The following ENAH variants were observed in gnomAD, a reference collection of about 807,000 sequenced individuals.
ENAH encodes the protein protein enabled homolog.
Under a neutral mutation model 78.7 loss-of-function variants are expected in ENAH, and 23 were observed. The observed-to-expected ratio is 0.29, with a 90% CI of 0.21 to 0.41. The LOEUF (loss-of-function observed/expected upper bound fraction) is 0.41. Among genes scored for constraint, ENAH ranks in the 10% least tolerant of loss-of-function variants. The probability of loss-of-function intolerance (pLI) is 1.00; values close to 1 mark genes in which losing one functional copy is unlikely to be tolerated. For missense variants in ENAH, 544 were observed against 691.0 expected (o/e 0.79, Z 2.39); for synonymous variants, 226 against 241.0 (o/e 0.94, Z 0.58).
intron 11 of ENAH, among the ~76,000 whole-genome samples, chr1:225,504,319 T>C (rs1386014208): frequency 6.6e-6 from 1 of 152,132 alleles, no homozygotes; most frequent in African/African-American, 2.4e-5. Flanking sequence ...TCAGTTTTTA[T>C]TTTTTTATGA....
Position 225,493,363 on chromosome 1 carries a change from T to C in ENAH, c.*4412A>G, listed in dbSNP as rs1363158476. On this transcript the variant is annotated 3_prime_UTR_variant, in exon 14 of 14. Transcript: ENST00000366843. Reference sequence around the variant, plus strand: ...AACTCTTCTTTAAGTAATTGTCCTCTACTATGTCTTTACATAGCCAAAGCT... The same window carrying C: ...AACTCTTCTTTAAGTAATTGTCCTCCACTATGTCTTTACATAGCCAAAGCT... The C allele has an allele frequency of 6.6e-6, 1 of 152,224 alleles. No individual in the cohort carries two copies. Among genetic ancestry groups the C allele is most frequent in the Admixed American group, 6.5e-5 (1 of 15,278 alleles). 9.4% of individuals were successfully genotyped at this position (152,224 alleles called of 1,614,324 possible).
Position 225,488,229 on chromosome 1 carries a change from G to C in ENAH, c.*9546C>G, listed in dbSNP as rs1208502379. The C allele has an allele frequency of 6.6e-6, 1 of 151,918 alleles. No individual in the cohort carries two copies. Among genetic ancestry groups the C allele is most frequent in the Admixed American group, 6.6e-5 (1 of 15,240 alleles). The allele number at this position is 151,918 out of a possible 1,614,324, so 9.4% of individuals were successfully genotyped here. ...GAGACAGGCCTCGCTATGTTGCCCA[G>C]GCTGGCCTCCAACTTTGGGCTCAAG... On this transcript the variant is annotated 3_prime_UTR_variant, in exon 14 of 14. Transcript: ENST00000366843.
chr1:225,571,424 G>A (rs1282138273), intron 1 of ENAH, among the ~76,000 whole-genome samples: 2 of 151,948 alleles, frequency 1.3e-5, no homozygotes, highest in Non-Finnish European at 2.9e-5. Flanking sequence ...GCACTTGGGG[G>A]CCAGAGTCCC....
chr1:225,524,654 T>C (rs1223584940), intron 4 of ENAH: 3 of 985,030 alleles, frequency 3.0e-6, no homozygotes, highest in Non-Finnish European at 3.6e-6. Flanking sequence ...ATAGGAGGGC[T>C]ATACACTCTC....
intron 1 of ENAH, among the ~76,000 whole-genome samples, chr1:225,641,747 G>A (rs183461983): frequency 1.9e-4 from 29 of 151,564 alleles, no homozygotes; most frequent in Non-Finnish European, 3.5e-4. Context: ...AAAGCTGGAC[G>A]CCGTGGCTCA....
At chr1:225,585,864 G>A (rs1275031993) in intron 1 of ENAH, among the ~76,000 whole-genome samples, 1 of 152,142 alleles carries the variant, frequency 6.6e-6, no homozygotes, top group Non-Finnish European at 1.5e-5. Context: ...ATTTATAGTT[G>A]TGAATGCATA....
At chr1:225,564,327 T>C (rs1375535219) in intron 2 of ENAH, among the ~76,000 whole-genome samples, 1 of 152,102 alleles carries the variant, frequency 6.6e-6, no homozygotes, top group Non-Finnish European at 1.5e-5. Context: ...TTCGCTCTTG[T>C]TGCCCAGGCT....
At chr1:225,598,062 A>G (rs1011888903) in intron 1 of ENAH, among the ~76,000 whole-genome samples, 2 of 152,134 alleles carry the variant, frequency 1.3e-5, no homozygotes, top group Non-Finnish European at 2.9e-5. Flanking sequence ...GACAGTTAAC[A>G]TAAAGAACTG....
At position 225,494,623 on chromosome 1, in the gene ENAH, A is replaced by G. The variant is rs577473791; in HGVS notation, c.*3152T>C. On this transcript the variant is annotated 3_prime_UTR_variant, in exon 14 of 14. Transcript: ENST00000366843. ...ATTTCAAACAAAAAGTAGACACATC[A>G]TCACATATTTCTTTTGTATACATTA... 2.0e-4 allele frequency: 30 copies of G among 152,328 alleles called. No individual in the cohort carries two copies. Among genetic ancestry groups the G allele is most frequent in the African/African-American group, 5.8e-4 (24 of 41,586 alleles). 9.4% of individuals were successfully genotyped at this position (152,328 alleles called of 1,614,324 possible).
chr1:225,505,142 G>A, intron 11 of ENAH: 2 of 922,968 alleles, frequency 2.2e-6, no homozygotes, highest in South Asian at 1.9e-5. Flanking sequence ...GTTGTTAATA[G>A]CAAACAAAAC....
At chr1:225,633,643 A>C (rs1158800162) in intron 1 of ENAH, among the ~76,000 whole-genome samples, 1 of 152,240 alleles carries the variant, frequency 6.6e-6, no homozygotes, top group African/African-American at 2.4e-5. Context: ...ACTGTAAAAC[A>C]GCAATGACGA....
chr1:225,599,796 TAAAAAAAAAAAAA>T (rs34052384), intron 1 of ENAH, among the ~76,000 whole-genome samples: 1 of 83,008 alleles, frequency 1.2e-5, no homozygotes, highest in Admixed American at 1.3e-4. Context: ...GACTCCGTCT[TAAAAAAAAAAAAA>T]AAAAAAAAAA....
At chr1:225,541,562 G>A (rs79910913) in intron 3 of ENAH, among the ~76,000 whole-genome samples, 6,561 of 152,222 alleles carry the variant, frequency 0.043, 231 homozygotes, top group South Asian at 0.11. Context: ...AGTAAAGCTC[G>A]ATAAAGCTGT....
intron 3 of ENAH, among the ~76,000 whole-genome samples, chr1:225,539,606 C>T (rs547715478): frequency 7.3e-4 from 111 of 152,148 alleles, no homozygotes; most frequent in Non-Finnish European, 1.3e-3. Flanking sequence ...TTAGTAAAAG[C>T]TCTTCAATTG....
At chr1:225,599,221 C>T (rs1299698087) in intron 1 of ENAH, among the ~76,000 whole-genome samples, 1 of 151,424 alleles carries the variant, frequency 6.6e-6, no homozygotes, top group South Asian at 2.1e-4. Context: ...AAAGTGGCAA[C>T]ATCAAGAAAG....
chr1:225,580,759 A>G (rs1270174361), intron 1 of ENAH, among the ~76,000 whole-genome samples: 5 of 151,926 alleles, frequency 3.3e-5, no homozygotes. Context: ...CTCTATTAAA[A>G]ATACAAAAAT....
chr1:225,642,209 GAA>G (rs1238636547), intron 1 of ENAH, among the ~76,000 whole-genome samples: 10 of 83,284 alleles, frequency 1.2e-4, no homozygotes, highest in Admixed American at 2.7e-4. Flanking sequence ...TCCATCTCAG[GAA>G]AAAAAAAAAA....
chr1:225,563,531 T>C (rs910862879), intron 2 of ENAH, among the ~76,000 whole-genome samples: 4 of 152,224 alleles, frequency 2.6e-5, no homozygotes, highest in African/African-American at 7.2e-5. Flanking sequence ...CCAGAACCTC[T>C]TGCTTTTGTA....
chr1:225,603,855 G>T (rs900264512), intron 1 of ENAH, among the ~76,000 whole-genome samples: 2 of 152,174 alleles, frequency 1.3e-5, no homozygotes, highest in African/African-American at 4.8e-5. Context: ...ATGGCTATGG[G>T]TTTAAATGGT....
Sources: allele counts gnomAD v4.1 joint callset (sites outside exome capture counted in the v4.1 genomes callset), GRCh38; gene constraint gnomAD v4.1.1; transcripts MANE v1.5; gene names NCBI Gene and HGNC (gene_info 2026-07-23, HGNC 2026-07-21).